Variants in CLEC20A observed in about 807,000 individuals in gnomAD.
The protein encoded by CLEC20A is putative C-type lectin domain family 20 member A.
At chr1:178,489,215 TAGTC>T (rs1191314940) in intron 4 of CLEC20A, among the ~76,000 whole-genome samples, 3 of 151,716 alleles carry the variant, frequency 2.0e-5, no homozygotes, top group African/African-American at 7.3e-5. Context: ...ATACAAAAAT[TAGTC>T]AGGCGTGGTA....
At chr1:178,492,159 C>A (rs1289864039) in intron 3 of CLEC20A, among the ~76,000 whole-genome samples, 2 of 152,080 alleles carry the variant, frequency 1.3e-5, no homozygotes, top group African/African-American at 4.8e-5. Context: ...GTGGCATGTG[C>A]CTGTAGTACC....
intron 1 of CLEC20A, 30 bp downstream of exon 1, chr1:178,496,870 G>A: frequency 2.5e-6 from 1 of 398,546 alleles, no homozygotes; most frequent in Non-Finnish European, 4.4e-6. Context: ...CATGGAGCCA[G>A]GCACCCTCCT....
At chr1:178,493,909 A>G (rs558112578) in intron 2 of CLEC20A, 1 of 152,190 alleles carries the variant, frequency 6.6e-6, no homozygotes. Context: ...GAAATTTCCA[A>G]ATTTTATTTG....
intron 4 of CLEC20A, among the ~76,000 whole-genome samples, chr1:178,489,594 G>C (rs555757894): frequency 6.6e-6 from 1 of 152,020 alleles, no homozygotes; most frequent in Non-Finnish European, 1.5e-5. Flanking sequence ...CCCGTCCACC[G>C]GGGCCCACTC....
At chr1:178,484,198 T>C (rs1649072383) in intron 5 of CLEC20A, 1 of 152,208 alleles carries the variant, frequency 6.6e-6, no homozygotes, top group African/African-American at 2.4e-5. Flanking sequence ...ATATTACTAT[T>C]TCCTTAATCA....
At chr1:178,497,069 C>T (rs780623722), upstream of CLEC20A, 7 of 398,694 alleles carry the variant, frequency 1.8e-5, no homozygotes, top group South Asian at 1.3e-4. Context: ...TCCTCTCTTC[C>T]TCTTTGCCAC....
chr1:178,495,927 A>G (rs1649377811), intron 1 of CLEC20A: 1 of 152,534 alleles, frequency 6.6e-6, no homozygotes, highest in Admixed American at 6.5e-5. Flanking sequence ...GGTCTGGGCC[A>G]CAAGGAACCC....
rs1160975894 is a variant in CLEC20A, at chr1:178,482,105, CTT to C, written c.1122+205_1122+206del. On this transcript the variant is annotated intron_variant, in intron 7 of 7. Coordinates refer to ENST00000623247, the Ensembl canonical transcript of CLEC20A. ...AACAAAAAAACAACAAAAAAAAAAA[CTT>C]AGGAAAGACATTGGAGAGGGTAAGA... is the stretch of plus-strand genomic sequence containing the variant. 233 of 353,288 alleles carry C rather than the reference CTT, an allele frequency of 6.6e-4. 4 individuals are homozygous for C. The highest frequency in any genetic ancestry group is 5.0e-3 in the African/African-American group (214 of 42,778). 21.9% of individuals were successfully genotyped at this position (353,288 alleles called of 1,614,324 possible).
chr1:178,495,472 T>C (rs879922833), intron 1 of CLEC20A, among the ~76,000 whole-genome samples: 3 of 152,232 alleles, frequency 2.0e-5, no homozygotes, highest in Non-Finnish European at 4.4e-5. Context: ...AGGCCCACCC[T>C]AAAGCAAAGA....
At chr1:178,498,739 T>C (rs1014652555), upstream of CLEC20A, among the ~76,000 whole-genome samples, 2 of 152,204 alleles carry the variant, frequency 1.3e-5, no homozygotes, top group African/African-American at 2.4e-5. Context: ...GCCCTCTCTG[T>C]TGGCCTAAGG....
At chr1:178,489,100 T>C (rs1649218685) in intron 4 of CLEC20A, among the ~76,000 whole-genome samples, 1 of 152,186 alleles carries the variant, frequency 6.6e-6, no homozygotes, top group South Asian at 2.1e-4. Flanking sequence ...CGGTGGCTCA[T>C]GCCTGTAATT....
chr1:178,494,735 T>C (rs1572160303), exon 2 of CLEC20A: 1 of 399,256 alleles, frequency 2.5e-6, no homozygotes. Flanking sequence ...CAGCCGGCAG[T>C]GCTGCTGGGC....
chr1:178,495,835 G>A (rs775750423), intron 1 of CLEC20A: 1 of 152,438 alleles, frequency 6.6e-6, no homozygotes, highest in Non-Finnish European at 1.5e-5. Context: ...AATGTGGTTG[G>A]TCCAGGGCTG....
chr1:178,498,748 G>C (rs563859864), upstream of CLEC20A, among the ~76,000 whole-genome samples: 7 of 152,186 alleles, frequency 4.6e-5, no homozygotes, highest in African/African-American at 1.7e-4. Flanking sequence ...GTTGGCCTAA[G>C]GGCGAAGACT....
chr1:178,496,886 T>C lies in CLEC20A; in HGVS notation c.40+14A>G, dbSNP rs1372643426. 7 of 398,326 alleles carry C rather than the reference T, an allele frequency of 1.8e-5. No homozygotes were observed. Among genetic ancestry groups the C allele is most frequent in the African/African-American group, 1.4e-4 (7 of 48,560 alleles). 24.7% of individuals were successfully genotyped at this position (398,326 alleles called of 1,614,324 possible). ...ATGGAGCCAGGCACCCTCCTCCAGG[T>C]TGGGGGGCCTCACCTGCTGCGCAGA... is the stretch of plus-strand genomic sequence containing the variant. On this transcript the variant is annotated intron_variant, in intron 1 of 7. Transcript: ENST00000623247.
chr1:178,494,653 C>T lies in CLEC20A; in HGVS notation c.198G>A (p.Pro66=), dbSNP rs186082719. Reference sequence around the variant, plus strand: ...CGTCGAAGAAGAGGCCAATCCAAGCCGGGGTGCTGGTCATGAGGGAGTAGA... The same window carrying T: ...CGTCGAAGAAGAGGCCAATCCAAGCTGGGGTGCTGGTCATGAGGGAGTAGA... Residue 66 remains proline (P), a synonymous_variant, in exon 2 of 8, where the codon CCG becomes CCA. Coordinates refer to ENST00000623247, the Ensembl canonical transcript of CLEC20A. 3.4e-3 allele frequency: 1,378 copies of T among 399,544 alleles called. 7 individuals are homozygous for T. The highest frequency in any genetic ancestry group is 3.4e-3 in the Non-Finnish European group (772 of 226,444). 24.7% of individuals were successfully genotyped at this position (399,544 alleles called of 1,614,324 possible).
At chr1:178,490,976 T>C (rs1421129886) in intron 3 of CLEC20A, among the ~76,000 whole-genome samples, 1 of 152,186 alleles carries the variant, frequency 6.6e-6, no homozygotes. Flanking sequence ...AACTGTGCGA[T>C]GTTCCTAGAC....
intron 6 of CLEC20A, 95 bp from the exon 7 acceptor site, chr1:178,482,492 C>A (rs772833167): frequency 5.0e-6 from 2 of 397,088 alleles, no homozygotes; most frequent in Non-Finnish European, 8.9e-6. Flanking sequence ...ACCATAGATG[C>A]TACATGTTGA....
intron 7 of CLEC20A, 111 bp from the exon 8 acceptor site, chr1:178,479,726 T>G (rs536268872): frequency 7.6e-6 from 3 of 393,890 alleles, no homozygotes; most frequent in South Asian, 1.4e-4. Context: ...ACCCTGTAAT[T>G]GTTTTTAGCC....
Sources: allele counts gnomAD v4.1 joint callset (sites outside exome capture counted in the v4.1 genomes callset), GRCh38; gene constraint gnomAD v4.1.1; transcripts MANE v1.5; gene names NCBI Gene and HGNC (gene_info 2026-07-23, HGNC 2026-07-21).